Variants in BCL9 observed in about 807,000 individuals in gnomAD.
BCL9 encodes the protein BCL9 transcription coactivator.
In BCL9, 25 loss-of-function variants were observed where a neutral mutation model predicts 88.5. The observed-to-expected ratio is 0.28, with a 90% CI of 0.21 to 0.39. The LOEUF (loss-of-function observed/expected upper bound fraction) is 0.39, where lower values mean the gene tolerates loss of function less well. Among genes scored for constraint, BCL9 ranks in the 10% least tolerant of loss-of-function variants. The pLI, the probability that BCL9 is intolerant of heterozygous loss-of-function variation, is 1.00. For missense variants in BCL9, 1,817 were observed against 1,877.8 expected (o/e 0.97, Z 0.60); for synonymous variants, 711 against 673.3 (o/e 1.06, Z -0.87).
At chr1:147,569,264 A>G (rs1216027832) in intron 1 of BCL9, among the ~76,000 whole-genome samples, 4 of 152,016 alleles carry the variant, frequency 2.6e-5, no homozygotes, top group Non-Finnish European at 5.9e-5. Flanking sequence ...TTCTTGAAAA[A>G]GATTCTTTTT....
At chr1:147,551,514 T>A (rs1246388297) in intron 1 of BCL9, among the ~76,000 whole-genome samples, 2 of 152,220 alleles carry the variant, frequency 1.3e-5, no homozygotes, top group Non-Finnish European at 2.9e-5. Context: ...GTTCCCTCCA[T>A]AACTTATGTT....
intron 9 of BCL9, 55 bp downstream of exon 9, chr1:147,622,586 C>T: frequency 6.2e-7 from 1 of 1,600,166 alleles, no homozygotes; most frequent in South Asian, 1.1e-5. Context: ...AGAGAAACCT[C>T]TTGAAGCGTT....
chr1:147,623,280 C>T (rs12133943), intron 9 of BCL9, among the ~76,000 whole-genome samples: 1 of 152,228 alleles, frequency 6.6e-6, no homozygotes, highest in Non-Finnish European at 1.5e-5. Context: ...ACACCAAATA[C>T]TTCAATGTCC....
At chr1:147,579,171 T>G (rs1304365125) in intron 1 of BCL9, among the ~76,000 whole-genome samples, 1 of 152,164 alleles carries the variant, frequency 6.6e-6, no homozygotes, top group African/African-American at 2.4e-5. Flanking sequence ...CAGCTGAAAC[T>G]TGGTTTTCAT....
chr1:147,619,650 G>A lies in BCL9; in HGVS notation c.1495G>A (p.Asp499Asn). The A allele has an allele frequency of 6.2e-7, 1 of 1,614,096 alleles. No homozygotes were observed. The highest frequency in any genetic ancestry group is 8.5e-7 in the Non-Finnish European group (1 of 1,180,022). Residue 499 changes from aspartate to asparagine, a missense_variant, in exon 8 of 10, where the codon GAC (aspartate) becomes AAC (asparagine). By Grantham distance (23) the Asp-to-Asn change is conservative (BLOSUM62 1). Transcript: ENST00000234739. The surrounding 1 kb of genome is among the most constrained non-coding windows in gnomAD (Gnocchi z 4.1). ...GGTTGTCCAGCAGTGTTCCCTCCAG[G>A]ACATGATGGTCCATCAGCACGGGCC... ...QVVVQQCSLQDMMVHQHGPRG... is the reference protein window; with the variant it reads ...QVVVQQCSLQNMMVHQHGPRG...
At chr1:147,581,192 GA>G (rs1656355396) in intron 1 of BCL9, among the ~76,000 whole-genome samples, 1 of 152,142 alleles carries the variant, frequency 6.6e-6, no homozygotes, top group Non-Finnish European at 1.5e-5. Context: ...ATAACACTGG[GA>G]AAAGGCTTCC....
chr1:147,581,142 T>C (rs1553198601), intron 1 of BCL9, among the ~76,000 whole-genome samples: 1 of 152,216 alleles, frequency 6.6e-6, no homozygotes, highest in African/African-American at 2.4e-5. Flanking sequence ...CTCTCTAAAG[T>C]CTTATCTGGT....
In BCL9 at chr1:147,619,658, G is replaced by A. The variant is rs1658499843; in HGVS notation, c.1503G>A (p.Met501Ile). The A allele has an allele frequency of 1.9e-6, 3 of 1,614,120 alleles. No individual in the cohort carries two copies. In the African/African-American group the frequency reaches 4.0e-5, roughly 22 times the overall value. ...AGCAGTGTTCCCTCCAGGACATGAT[G>A]GTCCATCAGCACGGGCCTCGGGGAG... ...VVQQCSLQDMMVHQHGPRGVV... is the reference protein window; with the variant it reads ...VVQQCSLQDMIVHQHGPRGVV... Residue 501 changes from methionine to isoleucine, a missense_variant, in exon 8 of 10, where the codon ATG becomes ATA. Physicochemically the swap from Met to Ile is conservative, Grantham distance 10 (BLOSUM62 1). This residue lies in a region of BCL9 where 1,228 missense variants were observed against 1,191.6 expected (regional missense o/e 1.03). Transcript: ENST00000234739. The surrounding 1 kb of genome is among the most constrained non-coding windows in gnomAD (Gnocchi z 4.1).
At chr1:147,605,738 T>C (rs782518791) in intron 2 of BCL9, among the ~76,000 whole-genome samples, 9 of 152,176 alleles carry the variant, frequency 5.9e-5, no homozygotes, top group Non-Finnish European at 1.3e-4. Flanking sequence ...CTTTTAGTAG[T>C]CGGTATGCCA....
At chr1:147,578,510 A>G (rs1656209813) in intron 1 of BCL9, among the ~76,000 whole-genome samples, 1 of 152,218 alleles carries the variant, frequency 6.6e-6, no homozygotes, top group Admixed American at 6.5e-5. Context: ...CTCATCAGGT[A>G]TATGCAAATA....
intron 1 of BCL9, among the ~76,000 whole-genome samples, chr1:147,587,024 T>TTC (rs386635270): frequency 4.7e-5 from 7 of 147,674 alleles, no homozygotes; most frequent in South Asian, 2.1e-4. Flanking sequence ...TTCTCTCTCT[T>TTC]TCTCTCTCTC....
At position 147,620,670 on chromosome 1, in the gene BCL9, C is replaced by T. The variant is rs781931002; in HGVS notation, c.2515C>T (p.Arg839Cys). 20 of 1,614,026 alleles carry T rather than the reference C, an allele frequency of 1.2e-5. No individual in the cohort carries two copies. In the East Asian group the frequency reaches 1.3e-4, roughly 11 times the overall value. The change falls in exon 8 of 10, where the codon CGC becomes TGC. Residue 839 changes from arginine (R) to cysteine (C), a missense_variant. By Grantham distance (180) the Arg-to-Cys change is radical. Around this residue, in one of 2 missense-constraint regions of BCL9, gnomAD observed 1,228 missense variants for 1,191.6 expected, o/e 1.03. Transcript: ENST00000234739. ...CCTCAACACAGCTCCTCCAGTTCAGCGCGGCCTGGGGCGGAAGCCCTTGGA... is the reference window on the plus strand; with the variant it reads ...CCTCAACACAGCTCCTCCAGTTCAGTGCGGCCTGGGGCGGAAGCCCTTGGA... ...TSLNTAPPVQ[R>C]GLGRKPLDIS...
At position 147,620,565 on chromosome 1, in the gene BCL9, A is replaced by G. The variant is rs782671702; in HGVS notation, c.2410A>G (p.Ile804Val). The G allele has an allele frequency of 4.3e-5, 69 of 1,613,660 alleles. No homozygotes were observed. The highest frequency in any genetic ancestry group is 5.8e-5 in the Non-Finnish European group (68 of 1,179,938). Residue 804 changes from isoleucine (I) to valine (V), a missense_variant, in exon 8 of 10, where the codon ATT becomes GTT. Ile to Val is a conservative substitution (Grantham distance 29). Around this residue, in one of 2 missense-constraint regions of BCL9, gnomAD observed 1,228 missense variants for 1,191.6 expected, o/e 1.03. Coordinates refer to ENST00000234739, the MANE Select transcript of BCL9 (RefSeq NM_004326.4). The stretch of plus-strand genomic sequence containing the variant: ...TGGCTTGCGGAATCTCAGAGAACCA[A>G]TTGGGCCCGACCAGAGGACTAACAG... ...NSGLRNLREP[I>V]GPDQRTNSRL...
At chr1:147,550,514 G>C (rs1194286569) in intron 1 of BCL9, among the ~76,000 whole-genome samples, 1 of 152,162 alleles carries the variant, frequency 6.6e-6, no homozygotes, top group Non-Finnish European at 1.5e-5. Flanking sequence ...GATGAGTGAC[G>C]TCATTTCATG....
At chr1:147,575,387 C>G (rs1458405639) in intron 1 of BCL9, among the ~76,000 whole-genome samples, 13 of 152,144 alleles carry the variant, frequency 8.5e-5, no homozygotes, top group African/African-American at 3.1e-4. Context: ...TCATTTTTGC[C>G]TTGTTCACTG....
chr1:147,611,775 C>A lies in BCL9; in HGVS notation c.-62C>A, dbSNP rs1359892518. On this transcript the variant is annotated 5_prime_UTR_variant, in exon 4 of 10. It introduces an in-frame stop codon into an upstream open reading frame of the 5' UTR. Coordinates refer to ENST00000234739, the MANE Select transcript of BCL9 (RefSeq NM_004326.4). Reference sequence around the variant, plus strand: ...CTGCCCCCAGCAGCTGTTTCTGCTGCAACCCGAGAGGAACTCGGTGAGCCT... The same window carrying A: ...CTGCCCCCAGCAGCTGTTTCTGCTGAAACCCGAGAGGAACTCGGTGAGCCT... 4.5e-6 allele frequency: 7 copies of A among 1,551,570 alleles called. No individual in the cohort carries two copies. Among genetic ancestry groups the A allele is most frequent in the Non-Finnish European group, 6.2e-6 (7 of 1,123,684 alleles).
chr1:147,611,801 G>T lies in BCL9; in HGVS notation c.-36G>T. On this transcript the variant is annotated 5_prime_UTR_variant, in exon 4 of 10. Coordinates refer to ENST00000234739, the MANE Select transcript of BCL9 (RefSeq NM_004326.4). The stretch of plus-strand genomic sequence containing the variant: ...AACCCGAGAGGAACTCGGTGAGCCT[G>T]TCCCGTTTGTGACTGCAAGCTCAGG... The T allele has an allele frequency of 6.2e-7, 1 of 1,607,536 alleles. No homozygotes were observed. Among genetic ancestry groups the T allele is most frequent in the Non-Finnish European group, 8.5e-7 (1 of 1,173,982 alleles).
intron 1 of BCL9, among the ~76,000 whole-genome samples, chr1:147,545,641 C>G (rs1463186717): frequency 6.6e-6 from 1 of 152,156 alleles, no homozygotes; most frequent in Non-Finnish European, 1.5e-5. Flanking sequence ...ACCAACACAA[C>G]ATGCAGGACA....
rs1258213840 is a variant in BCL9, at chr1:147,624,689, A to G, written c.4011A>G (p.Ala1337=). 1.9e-6 allele frequency: 3 copies of G among 1,614,076 alleles called. No individual in the cohort carries two copies. The highest frequency in any genetic ancestry group is 2.2e-5 in the South Asian group (2 of 91,092). ...MGPHHRMMSP[A]QSTMPGQPTL... is the part of the protein sequence containing the mutation. ...CTCACCATCGGATGATGTCACCAGCACAATCTACAATGCCCGGCCAGCCCA... is the reference window on the plus strand; with the variant it reads ...CTCACCATCGGATGATGTCACCAGCGCAATCTACAATGCCCGGCCAGCCCA... The change falls in exon 10 of 10, where the codon GCA becomes GCG. Residue 1337 remains alanine, a synonymous_variant. Transcript: ENST00000234739. This position sits in a 1 kb window ranked among gnomAD's most constrained non-coding sequence, Gnocchi z 4.4.
Sources: gnomAD v4.1 joint callset for allele counts (sites outside exome capture counted in the v4.1 genomes callset) on GRCh38, gnomAD v4.1.1 for gene constraint, gnomAD v4.1.1 regional missense constraint, Gnocchi (gnomAD v3.1) non-coding constraint, MANE v1.5 for transcripts, NCBI Gene and HGNC (gene_info 2026-07-23, HGNC 2026-07-21) for gene names.